Variants in VRK3 observed in about 807,000 individuals in gnomAD.
VRK3 encodes VRK serine/threonine kinase 3.
VRK3 carries 50 observed loss-of-function variants against 60.4 expected under a neutral mutation model. The ratio of observed to expected loss-of-function variants is 0.83; its 90% confidence interval spans 0.66 to 1.05. The LOEUF (loss-of-function observed/expected upper bound fraction) is 1.05. Ranked by LOEUF, VRK3 falls within the 50% of genes least tolerant of loss-of-function variation. VRK3 has a pLI of 0.00. For synonymous variants in VRK3, 246 were observed against 227.8 expected (o/e 1.08, Z -0.72); for missense variants, 549 against 585.3 (o/e 0.94, Z 0.64).
At chr19:50,016,690 T>C (rs1268099111) in intron 2 of VRK3, among the ~76,000 whole-genome samples, 2 of 152,248 alleles carry the variant, frequency 1.3e-5, no homozygotes, top group Non-Finnish European at 2.9e-5. Flanking sequence ...GAGTGTTCAC[T>C]AAATTACTCT....
At chr19:50,019,248 G>A (rs941517675) in intron 2 of VRK3, 3 of 150,446 alleles carry the variant, frequency 2.0e-5, no homozygotes, top group South Asian at 2.1e-4. Context: ...TGTCACCCAG[G>A]CTGGAGTGCA....
intron 10 of VRK3, among the ~76,000 whole-genome samples, chr19:49,991,411 T>C (rs1330977158): frequency 1.3e-5 from 2 of 152,108 alleles, no homozygotes; most frequent in Non-Finnish European, 2.9e-5. Flanking sequence ...GGCCTTTGGA[T>C]TGGAACTTAC....
intron 6 of VRK3, chr19:49,998,976 A>AAAAAG (rs2076752762): frequency 1.4e-5 from 2 of 143,528 alleles, no homozygotes; most frequent in Non-Finnish European, 3.0e-5. Flanking sequence ...AAAAAAAAAA[A>AAAAAG]GCTGGACGTG....
At position 50,005,469 on chromosome 19, in the gene VRK3, G is replaced by A. The variant is rs999309357; in HGVS notation, c.547+2100C>T. Among the ~76,000 whole-genome samples the A allele has an allele frequency of 3.3e-5, 5 of 149,806 alleles. No individual in the cohort carries two copies. In the South Asian group the frequency reaches 1.0e-3, roughly 31 times the overall value. ...AGAGCCTAATAATTCACATCTCTGG[G>A]ATCCATGTTCCTCATGTATAAAATG... On this transcript the variant is annotated intron_variant, in intron 5 of 14. Transcript: ENST00000316763.
At chr19:50,019,472 T>C (rs184777022) in intron 2 of VRK3, among the ~76,000 whole-genome samples, 67 of 151,960 alleles carry the variant, frequency 4.4e-4, no homozygotes, top group Middle Eastern at 3.4e-3. Flanking sequence ...GATTTAGAAG[T>C]TGCTTGTTGC....
intron 14 of VRK3, among the ~76,000 whole-genome samples, chr19:49,977,291 A>G (rs1390652364): frequency 2.6e-5 from 4 of 152,306 alleles, no homozygotes; most frequent in African/African-American, 9.6e-5. Flanking sequence ...GCTGTGGAGC[A>G]CAGGCAAGAT....
intron 10 of VRK3, among the ~76,000 whole-genome samples, chr19:49,991,740 G>A (rs1380142672): frequency 1.3e-5 from 2 of 152,156 alleles, no homozygotes; most frequent in African/African-American, 2.4e-5. Flanking sequence ...GCCTGACAAC[G>A]AGCAGTGCAG....
At chr19:49,990,645 GTCT>G (rs1273648296) in intron 10 of VRK3, among the ~76,000 whole-genome samples, 1 of 152,094 alleles carries the variant, frequency 6.6e-6, no homozygotes, top group Non-Finnish European at 1.5e-5. Flanking sequence ...CCCAGTCCAT[GTCT>G]TCTTTTCAAT....
chr19:50,023,659 AGAG>A, intron 1 of VRK3, among the ~76,000 whole-genome samples: 1 of 152,192 alleles, frequency 6.6e-6, no homozygotes, highest in Non-Finnish European at 1.5e-5. Context: ...GGCCTGGCAC[AGAG>A]CAAATGCTGG....
chr19:49,992,717 C>T, intron 10 of VRK3, 143 bp downstream of exon 10: 1 of 692,738 alleles, frequency 1.4e-6, no homozygotes, highest in Non-Finnish European at 2.3e-6. Flanking sequence ...AGTTGCTTAT[C>T]TTATTTATTT....
At position 49,983,205 on chromosome 19, in the gene VRK3, T is replaced by C. The variant is rs1045631592; in HGVS notation, c.1218-2192A>G. Among the ~76,000 whole-genome samples, 55 of 140,340 alleles carry C rather than the reference T, an allele frequency of 3.9e-4. 1 individual carries two copies. The highest frequency in any genetic ancestry group is 1.4e-4 in the Admixed American group (2 of 14,066). The allele number at this position is 140,340 out of a possible 152,430, so 92.1% of individuals were successfully genotyped here. ...TCCATCTCCCCACTCCTTCCTCCCA[T>C]TGCATGTCCCAGCCACACCAAAGGA... On this transcript the variant is annotated intron_variant, in intron 12 of 14. Coordinates refer to ENST00000316763, the MANE Select transcript of VRK3 (RefSeq NM_016440.4).
At chr19:49,997,625 C>G in intron 6 of VRK3, 55 bp from the exon 7 acceptor site, 1 of 1,589,056 alleles carries the variant, frequency 6.3e-7, no homozygotes, top group Non-Finnish European at 8.6e-7. Context: ...CAGATAAGGG[C>G]CCCCAGTCCC....
intron 5 of VRK3, among the ~76,000 whole-genome samples, chr19:50,006,334 T>TAAAC (rs200847021): frequency 2.0e-5 from 3 of 150,868 alleles, no homozygotes; most frequent in African/African-American, 7.3e-5. Context: ...TAATAAATAA[T>TAAAC]AATAATAAAA....
Position 50,007,668 on chromosome 19 carries a change from C to CA in VRK3, c.447dup (p.Glu150Ter). The CA allele has an allele frequency of 6.2e-7, 1 of 1,614,216 alleles. No individual in the cohort carries two copies. The highest frequency in any genetic ancestry group is 8.5e-7 in the Non-Finnish European group (1 of 1,180,034). On this transcript the variant is annotated frameshift_variant, in exon 5 of 15. Transcript: ENST00000316763. LOFTEE classifies it high-confidence loss of function. Reference sequence around the variant, plus strand: ...AGCACTGTCCCTGTGGGCAAAGCTTCAAGTGAGGTGGTCACTCGGCTCCGC... The same window carrying CA: ...AGCACTGTCCCTGTGGGCAAAGCTTCAAAGTGAGGTGGTCACTCGGCTCCGC...
intron 10 of VRK3, among the ~76,000 whole-genome samples, chr19:49,992,485 C>G (rs2076628138): frequency 6.6e-6 from 1 of 152,248 alleles, no homozygotes; most frequent in Non-Finnish European, 1.5e-5. Context: ...CCAATTCATG[C>G]TTCCAACAGT....
chr19:49,984,977 G>A (rs985142048), intron 12 of VRK3, among the ~76,000 whole-genome samples: 1 of 152,118 alleles, frequency 6.6e-6, no homozygotes, highest in Non-Finnish European at 1.5e-5. Flanking sequence ...ATCCAGAGAA[G>A]GATGTGTGTG....
chr19:49,990,588 G>C (rs1223655246), intron 10 of VRK3, among the ~76,000 whole-genome samples: 1 of 151,918 alleles, frequency 6.6e-6, no homozygotes, highest in Non-Finnish European at 1.5e-5. Flanking sequence ...GCCCAGGCTG[G>C]TCTTGAACCC....
intron 14 of VRK3, among the ~76,000 whole-genome samples, chr19:49,978,388 C>T (rs73932220): frequency 0.053 from 8,060 of 152,226 alleles, 690 homozygotes; most frequent in African/African-American, 0.18. Flanking sequence ...ACTGTGTAGT[C>T]TGTCTTTGAC....
At chr19:50,013,091 C>T (rs892394302) in intron 3 of VRK3, among the ~76,000 whole-genome samples, 11 of 150,274 alleles carry the variant, frequency 7.3e-5, no homozygotes, top group Admixed American at 1.3e-4. Context: ...GGAGAGAACC[C>T]GGGAGGTGGA....
Sources: gnomAD v4.1 joint callset for allele counts (sites outside exome capture counted in the v4.1 genomes callset) on GRCh38, gnomAD v4.1.1 for gene constraint, MANE v1.5 for transcripts, NCBI Gene and HGNC (gene_info 2026-07-23, HGNC 2026-07-21) for gene names.